The following POLN variants were observed in gnomAD, a reference collection of about 807,000 sequenced individuals.
The protein encoded by POLN is DNA polymerase nu, also known as DNA polymerase N.
POLN carries 108 observed loss-of-function variants against 113.5 expected under a neutral mutation model. The ratio of observed to expected loss-of-function variants is 0.95; its 90% confidence interval spans 0.81 to 1.12. The LOEUF is 1.12. Among genes scored for constraint, POLN ranks in the 50% most tolerant of loss-of-function variants. The pLI is 0.00. For synonymous variants in POLN, 386 were observed against 391.5 expected (o/e 0.99, Z 0.17); for missense variants, 1,097 against 1,077.1 (o/e 1.02, Z -0.26).
At chr4:2,119,770 G>T (rs758477475) in intron 19 of POLN, among the ~76,000 whole-genome samples, 24 of 151,948 alleles carry the variant, frequency 1.6e-4, no homozygotes, top group Non-Finnish European at 3.2e-4. Flanking sequence ...CTAGTCCTCT[G>T]CTTGGAACAT....
At chr4:2,088,618 A>G in intron 20 of POLN, 1 of 650,692 alleles carries the variant, frequency 1.5e-6, no homozygotes, top group Non-Finnish European at 2.2e-6. Context: ...TTTCATGAAA[A>G]TCACAATTTG....
chr4:2,125,412 T>C (rs993763356), intron 19 of POLN, among the ~76,000 whole-genome samples: 1 of 152,178 alleles, frequency 6.6e-6, no homozygotes, highest in Non-Finnish European at 1.5e-5. Flanking sequence ...GCGGGGGTTC[T>C]TTTTGGAGAT....
intron 24 of POLN, among the ~76,000 whole-genome samples, chr4:2,073,472 C>T (rs1730201351): frequency 6.6e-6 from 1 of 152,244 alleles, no homozygotes; most frequent in Non-Finnish European, 1.5e-5. Context: ...CCAGAGCCAC[C>T]AGGCACACAA....
chr4:2,236,461 A>G lies in POLN; in HGVS notation c.-13+5059T>C, dbSNP rs114004493. ...CCCTCCAAAACTTGGTAAAGCCTGAAATGTAAAAATTAAAATTATAGGGAA... is the reference window on the plus strand; with the variant it reads ...CCCTCCAAAACTTGGTAAAGCCTGAGATGTAAAAATTAAAATTATAGGGAA... On this transcript the variant is annotated intron_variant, in intron 2 of 25. Coordinates refer to ENST00000511885, the MANE Select transcript of POLN (RefSeq NM_181808.4). The G allele has an allele frequency of 3.5e-4, 558 of 1,581,444 alleles. 2 individuals carry two copies. The African/African-American group carries it at 6.9e-3, about 19-fold the overall frequency.
rs754456958 is a variant in POLN at position 2,238,749 on chromosome 4, A to G, written c.-13+2771T>C. 6.8e-6 allele frequency: 11 copies of G among 1,613,680 alleles called. No individual in the cohort carries two copies. The highest frequency in any genetic ancestry group is 2.2e-5 in the East Asian group (1 of 44,810). ...TGAACCAAATTTTCAAGTTGACGAT[A>G]TATGTCCCGATGCTTTCTTAATTCA... On this transcript the variant is annotated intron_variant, in intron 2 of 25. Coordinates refer to ENST00000511885, the MANE Select transcript of POLN (RefSeq NM_181808.4).
intron 7 of POLN, among the ~76,000 whole-genome samples, chr4:2,179,794 G>A (rs1382502782): frequency 6.6e-6 from 1 of 152,104 alleles, no homozygotes; most frequent in Non-Finnish European, 1.5e-5. Context: ...TCAGAGTCGT[G>A]GGTCATGCTA....
chr4:2,135,623 C>A (rs746804661), intron 16 of POLN, among the ~76,000 whole-genome samples: 2 of 152,162 alleles, frequency 1.3e-5, no homozygotes, highest in Non-Finnish European at 2.9e-5. Context: ...CGAGGGTGAC[C>A]AAAGTGACTG....
At chr4:2,224,356 T>G (rs930449168) in intron 3 of POLN, among the ~76,000 whole-genome samples, 4 of 152,208 alleles carry the variant, frequency 2.6e-5, no homozygotes, top group South Asian at 2.1e-4. Context: ...CTGAAGGACC[T>G]GCCTGGAGCT....
intron 19 of POLN, among the ~76,000 whole-genome samples, chr4:2,121,754 G>C (rs1292502085): frequency 2.6e-5 from 4 of 151,426 alleles, no homozygotes; most frequent in Admixed American, 1.3e-4. Context: ...ATCCTTGTTA[G>C]AGTTTATCAA....
At chr4:2,179,542 T>C in intron 7 of POLN, 77 bp from the exon 8 acceptor site, 1 of 1,384,264 alleles carries the variant, frequency 7.2e-7, no homozygotes, top group South Asian at 1.2e-5. Flanking sequence ...AGTTCTTAAG[T>C]TCAAACGAAT....
At position 2,075,739 on chromosome 4, in the gene POLN, T is replaced by C. The variant is rs35443246; in HGVS notation, c.2388-220A>G. Reference sequence around the variant, plus strand: ...CTCCGTGAGGCATGGGCACCACTGCTTGAGGTCACCCACTGTCACCAGGAC... The same window carrying C: ...CTCCGTGAGGCATGGGCACCACTGCCTGAGGTCACCCACTGTCACCAGGAC... On this transcript the variant is annotated intron_variant, in intron 23 of 25. Transcript: ENST00000511885. 1.8e-3 allele frequency among the ~76,000 whole-genome samples: 277 copies of C among 152,306 alleles called. 1 individual carries two copies. The highest frequency in any genetic ancestry group is 6.2e-3 in the African/African-American group (259 of 41,574).
chr4:2,148,832 T>C lies in POLN; in HGVS notation c.1731+7956A>G, dbSNP rs192643391. Among the ~76,000 whole-genome samples the C allele has an allele frequency of 3.9e-4, 59 of 151,996 alleles. 1 individual carries two copies. Among genetic ancestry groups the C allele is most frequent in the African/African-American group, 1.4e-3 (57 of 41,448 alleles). ...AAAAATGGTGATAAGGTAAAAGCAG[T>C]AAAGAAAAAAGACACATTATGTGAA... is the stretch of plus-strand genomic sequence containing the variant. On this transcript the variant is annotated intron_variant, in intron 16 of 25. Coordinates refer to ENST00000511885, the MANE Select transcript of POLN (RefSeq NM_181808.4).
intron 16 of POLN, among the ~76,000 whole-genome samples, chr4:2,136,506 T>C (rs1255576685): frequency 6.6e-6 from 1 of 152,228 alleles, no homozygotes; most frequent in East Asian, 1.9e-4. Context: ...ACTTGGTATG[T>C]TTTTGCAAAT....
chr4:2,201,297 A>AAAAAAC lies in POLN; in HGVS notation c.715-2581_715-2580insGTTTTT, dbSNP rs1560091761. On this transcript the variant is annotated intron_variant, in intron 5 of 25. Transcript: ENST00000511885. ...CACTCCAAAAAAAAAAAAAAAAAAA[A>AAAAAAC]AAAAAACGAGGGGAGAAATTTTCAA... Among the ~76,000 whole-genome samples the AAAAAAC allele has an allele frequency of 5.1e-4, 75 of 147,768 alleles. 2 individuals carry two copies. The highest frequency in any genetic ancestry group is 1.9e-3 in the African/African-American group (73 of 39,294).
intron 4 of POLN, among the ~76,000 whole-genome samples, chr4:2,209,602 T>C (rs1733938997): frequency 2.0e-5 from 3 of 151,796 alleles, no homozygotes; most frequent in Admixed American, 2.0e-4. Context: ...CCTATCCATT[T>C]CATTATAGGA....
Position 2,141,868 on chromosome 4 carries a change from G to A in POLN, c.1732-10578C>T, listed in dbSNP as rs34911142. Among the ~76,000 whole-genome samples, 903 of 152,308 alleles carry A rather than the reference G, an allele frequency of 5.9e-3. 6 individuals carry two copies. Among genetic ancestry groups the A allele is most frequent in the African/African-American group, 0.021 (862 of 41,576 alleles). ...GAGACTGCGACCCAGCCTGTGGGGC[G>A]CTGGCATTCCCCTCCTCTGGCTTTC... On this transcript the variant is annotated intron_variant, in intron 16 of 25. Transcript: ENST00000511885.
intron 20 of POLN, among the ~76,000 whole-genome samples, chr4:2,086,331 A>G (rs955091613): frequency 6.6e-6 from 1 of 152,194 alleles, no homozygotes; most frequent in Non-Finnish European, 1.5e-5. Context: ...AGAAAAGAAA[A>G]AAAGGACTTT....
chr4:2,161,932 C>A (rs996812236), intron 13 of POLN, among the ~76,000 whole-genome samples: 3 of 152,098 alleles, frequency 2.0e-5, no homozygotes, highest in Admixed American at 2.0e-4. Flanking sequence ...TGTGGACACT[C>A]TGTATCTAGC....
intron 8 of POLN, chr4:2,177,404 C>T (rs1733023690): frequency 5.5e-6 from 2 of 362,968 alleles, no homozygotes; most frequent in South Asian, 4.0e-5. Flanking sequence ...TTTATCTGAA[C>T]AATTCATGCC....
Sources: allele counts gnomAD v4.1 joint callset (sites outside exome capture counted in the v4.1 genomes callset), GRCh38; gene constraint gnomAD v4.1.1; transcripts MANE v1.5; gene names NCBI Gene and HGNC (gene_info 2026-07-23, HGNC 2026-07-21).